The following MACROD2 variants were observed in gnomAD, a reference collection of about 807,000 sequenced individuals.
MACROD2 encodes the protein mono-ADP ribosylhydrolase 2.
Under a neutral mutation model 70.4 loss-of-function variants are expected in MACROD2, and 36 were observed. The observed-to-expected ratio is 0.51, with a 90% CI of 0.39 to 0.68. The LOEUF is 0.68. MACROD2 is among the 30% of genes least tolerant of loss of function. The pLI is 0.00. For synonymous variants in MACROD2, 172 were observed against 178.8 expected, an observed-to-expected ratio of 0.96 and a Z score of 0.30; for missense variants, 496 against 538.4, an observed-to-expected ratio of 0.92 and a Z score of 0.78.
intron 4 of MACROD2, among the ~76,000 whole-genome samples, chr20:14,496,538 G>T (rs779876927): frequency 1.3e-5 from 2 of 152,138 alleles, no homozygotes; most frequent in African/African-American, 2.4e-5. Flanking sequence ...TAAAGTGAGA[G>T]ATTTACTTTA....
At chr20:15,566,194 T>A (rs973845714) in intron 8 of MACROD2, among the ~76,000 whole-genome samples, 1 of 151,950 alleles carries the variant, frequency 6.6e-6, no homozygotes, top group South Asian at 2.1e-4. Flanking sequence ...AGAAATACAA[T>A]CCCCAGAGGC....
At chr20:14,707,949 G>T (rs1472505836) in intron 5 of MACROD2, among the ~76,000 whole-genome samples, 1 of 152,126 alleles carries the variant, frequency 6.6e-6, no homozygotes, top group Non-Finnish European at 1.5e-5. Context: ...ATAGTCTAGT[G>T]CTTGGTAATT....
intron 3 of MACROD2, among the ~76,000 whole-genome samples, chr20:14,142,225 G>A (rs1206784643): frequency 6.6e-6 from 1 of 152,086 alleles, no homozygotes; most frequent in Non-Finnish European, 1.5e-5. Flanking sequence ...GAAGTGTTAG[G>A]TGGTGGCCTT....
At chr20:15,007,376 AAAC>A (rs1253650450) in intron 5 of MACROD2, among the ~76,000 whole-genome samples, 564 of 149,890 alleles carry the variant, frequency 3.8e-3, no homozygotes, top group Non-Finnish European at 6.2e-3. Context: ...AAACAAAAAC[AAAC>A]AAAAAAAAAA....
At chr20:15,526,582 G>C (rs574184305) in intron 8 of MACROD2, among the ~76,000 whole-genome samples, 7 of 152,346 alleles carry the variant, frequency 4.6e-5, no homozygotes, top group African/African-American at 1.7e-4. Context: ...TTATAGAACA[G>C]TAATGATTCT....
chr20:14,033,811 A>ATG (rs755312926), intron 2 of MACROD2, among the ~76,000 whole-genome samples: 1 of 152,138 alleles, frequency 6.6e-6, no homozygotes, highest in Non-Finnish European at 1.5e-5. Flanking sequence ...ATTTATATAA[A>ATG]TGTGTGTGTA....
intron 3 of MACROD2, among the ~76,000 whole-genome samples, chr20:14,424,285 TA>T (rs1438636458): frequency 2.0e-5 from 3 of 152,106 alleles, no homozygotes; most frequent in East Asian, 1.9e-4. Context: ...CCCCCTTTTT[TA>T]AATATTTTTA....
At chr20:14,609,815 A>C (rs908439665) in intron 4 of MACROD2, among the ~76,000 whole-genome samples, 1 of 152,110 alleles carries the variant, frequency 6.6e-6, no homozygotes, top group Non-Finnish European at 1.5e-5. Flanking sequence ...GTCTGGGGTC[A>C]TGGGCTGTGG....
chr20:15,460,357 C>T (rs1055426818), intron 7 of MACROD2, among the ~76,000 whole-genome samples: 6 of 152,244 alleles, frequency 3.9e-5, no homozygotes, highest in African/African-American at 4.8e-5. Context: ...ACCCTCCAAC[C>T]CCTGTAGCAC....
At chr20:15,330,999 A>G (rs1299827513) in intron 6 of MACROD2, among the ~76,000 whole-genome samples, 3 of 151,706 alleles carry the variant, frequency 2.0e-5, no homozygotes, top group Non-Finnish European at 2.9e-5. Flanking sequence ...AACGGAGGCA[A>G]AAATACTTCA....
chr20:15,106,012 G>A lies in MACROD2; in HGVS notation c.419-123928G>A, dbSNP rs190233555. On this transcript the variant is annotated intron_variant, in intron 5 of 17. Transcript: ENST00000684519. ...TAACACATAACATGAGGTGATGAAT[G>A]TGTTACTTAGCTTAATTTAATCTTT... 3.5e-4 allele frequency among the ~76,000 whole-genome samples: 53 copies of A among 152,290 alleles called. No homozygotes were observed. The East Asian group carries it at 8.3e-3, about 24-fold the overall frequency.
intron 3 of MACROD2, among the ~76,000 whole-genome samples, chr20:14,482,319 G>T (rs1019656099): frequency 6.6e-6 from 1 of 152,096 alleles, no homozygotes; most frequent in African/African-American, 2.4e-5. Flanking sequence ...TTAATTTATT[G>T]TAAGTAGAAT....
At chr20:14,916,572 A>G (rs1032504450) in intron 5 of MACROD2, among the ~76,000 whole-genome samples, 1 of 152,198 alleles carries the variant, frequency 6.6e-6, no homozygotes, top group Non-Finnish European at 1.5e-5. Flanking sequence ...AAAGTGATTT[A>G]TATCTGCAAT....
chr20:14,610,369 C>T (rs570484829), intron 4 of MACROD2, among the ~76,000 whole-genome samples: 8 of 152,130 alleles, frequency 5.3e-5, no homozygotes, highest in Non-Finnish European at 1.2e-4. Context: ...AAAGAAAACA[C>T]AATATAATCT....
At chr20:15,286,526 GGAGAACA>G (rs1568693555) in intron 6 of MACROD2, among the ~76,000 whole-genome samples, 1 of 151,996 alleles carries the variant, frequency 6.6e-6, no homozygotes, top group Non-Finnish European at 1.5e-5. Context: ...GAGGTGGGGA[GGAGAACA>G]GAGAATAAAC....
chr20:15,619,470 C>A, intron 8 of MACROD2: 1 of 267,874 alleles, frequency 3.7e-6, no homozygotes, highest in South Asian at 4.4e-5. Context: ...GGCAGAGCCC[C>A]GGGCAGGATC....
chr20:14,088,160 C>T (rs1245546266), intron 3 of MACROD2, among the ~76,000 whole-genome samples: 3 of 151,894 alleles, frequency 2.0e-5, no homozygotes, highest in Non-Finnish European at 2.9e-5. Flanking sequence ...GAAACCCCGT[C>T]TCTACCAAAA....
intron 4 of MACROD2, among the ~76,000 whole-genome samples, chr20:14,514,536 C>G (rs1057224966): frequency 6.6e-6 from 1 of 152,094 alleles, no homozygotes; most frequent in Non-Finnish European, 1.5e-5. Flanking sequence ...GAAACAATTA[C>G]GTTAGACTAC....
chr20:15,963,808 C>T (rs912008948), intron 12 of MACROD2, among the ~76,000 whole-genome samples: 18 of 152,190 alleles, frequency 1.2e-4, no homozygotes, highest in African/African-American at 3.9e-4. Flanking sequence ...TTCCTTTAAA[C>T]CTTTTCAACT....
Sources: gnomAD v4.1 joint callset for allele counts (sites outside exome capture counted in the v4.1 genomes callset) on GRCh38, gnomAD v4.1.1 for gene constraint, MANE v1.5 for transcripts, NCBI Gene and HGNC (gene_info 2026-07-23, HGNC 2026-07-21) for gene names.